NCAM2: variants seen among roughly 807,000 people sequenced by gnomAD.
NCAM2 encodes N-CAM-2.
In NCAM2, 30 loss-of-function variants were observed where a neutral mutation model predicts 98.1. The observed-to-expected ratio is 0.31, with a 90% CI of 0.23 to 0.41. NCAM2 has a LOEUF of 0.41. Among genes scored for constraint, NCAM2 ranks in the 10% least tolerant of loss-of-function variants. The probability of loss-of-function intolerance (pLI) is 1.00; values close to 1 mark genes in which losing one functional copy is unlikely to be tolerated. For missense variants in NCAM2, 867 were observed against 1,005.8 expected (o/e 0.86, Z 1.87); for synonymous variants, 368 against 342.4 (o/e 1.07, Z -0.83).
chr21:21,294,509 A>G (rs1264573092), intron 5 of NCAM2, among the ~76,000 whole-genome samples: 2 of 151,862 alleles, frequency 1.3e-5, no homozygotes, highest in Non-Finnish European at 2.9e-5. Context: ...TCAACCATAG[A>G]TTCTAATATG....
At chr21:21,060,684 TG>T (rs2065302712) in intron 1 of NCAM2, among the ~76,000 whole-genome samples, 1 of 152,050 alleles carries the variant, frequency 6.6e-6, no homozygotes, top group Non-Finnish European at 1.5e-5. Context: ...TATGGTGTGG[TG>T]GGGATGTGAG....
chr21:21,030,377 G>A (rs1198277026), intron 1 of NCAM2, among the ~76,000 whole-genome samples: 2 of 152,152 alleles, frequency 1.3e-5, no homozygotes, highest in African/African-American at 2.4e-5. Flanking sequence ...CATGAACTTA[G>A]AGGCATAAAT....
In NCAM2 at chr21:20,998,573, C is replaced by T; in HGVS notation, c.10C>T (p.Leu4Phe). ...GTGTCACGTCCTGAACATGAGCCTCCTCCTCTCCTTCTACCTGCTGGGGTT... is the reference window on the plus strand; with the variant it reads ...GTGTCACGTCCTGAACATGAGCCTCTTCCTCTCCTTCTACCTGCTGGGGTT... MSL[L>F]LSFYLLGLLV... Residue 4 changes from leucine to phenylalanine, a missense_variant, in exon 1 of 18, where the codon CTC becomes TTC. Coordinates refer to ENST00000400546, the MANE Select transcript of NCAM2 (RefSeq NM_004540.5). 7 of 1,614,092 alleles carry T rather than the reference C, an allele frequency of 4.3e-6. No homozygotes were observed. The highest frequency in any genetic ancestry group is 1.3e-5 in the African/African-American group (1 of 75,050).
At chr21:21,422,319 G>A (rs976654195) in intron 11 of NCAM2, among the ~76,000 whole-genome samples, 5 of 152,178 alleles carry the variant, frequency 3.3e-5, no homozygotes, top group Non-Finnish European at 7.3e-5. Flanking sequence ...GGCTGGGAGA[G>A]AGGGGAAGAT....
At chr21:21,437,360 G>A (rs76482624) in intron 12 of NCAM2, among the ~76,000 whole-genome samples, 2,541 of 152,026 alleles carry the variant, frequency 0.017, 65 homozygotes, top group East Asian at 0.13. Context: ...AACCTCTATT[G>A]TATTGACGAA....
intron 1 of NCAM2, among the ~76,000 whole-genome samples, chr21:21,082,978 G>T (rs1051480192): frequency 2.0e-5 from 3 of 152,194 alleles, no homozygotes; most frequent in African/African-American, 7.2e-5. Context: ...CTGAGTTAGA[G>T]GTCTACTGTT....
At chr21:21,250,235 T>A (rs562160872) in intron 1 of NCAM2, among the ~76,000 whole-genome samples, 1 of 152,318 alleles carries the variant, frequency 6.6e-6, no homozygotes, top group East Asian at 1.9e-4. Context: ...TCTAACTGGA[T>A]GCTAGAAAAA....
intron 10 of NCAM2, 109 bp from the exon 11 acceptor site, chr21:21,418,364 G>T: frequency 2.7e-6 from 2 of 753,546 alleles, no homozygotes; most frequent in Non-Finnish European, 4.6e-6. Flanking sequence ...ATGGTAAGGA[G>T]TTGTTGGGTA....
intron 1 of NCAM2, among the ~76,000 whole-genome samples, chr21:21,247,831 T>C (rs1379860832): frequency 6.6e-6 from 1 of 152,246 alleles, no homozygotes; most frequent in Non-Finnish European, 1.5e-5. Context: ...AATATTTTTC[T>C]ACTAATGCTC....
chr21:21,131,413 A>G (rs1383089701), intron 1 of NCAM2, among the ~76,000 whole-genome samples: 1 of 152,080 alleles, frequency 6.6e-6, no homozygotes, highest in South Asian at 2.1e-4. Context: ...AGCTGGGATT[A>G]CAGGCATGCG....
chr21:21,096,744 G>A (rs777829024), intron 1 of NCAM2, among the ~76,000 whole-genome samples: 1 of 151,082 alleles, frequency 6.6e-6, no homozygotes, highest in Non-Finnish European at 1.5e-5. Flanking sequence ...TTTATTTAAT[G>A]TTTTTGTGTG....
chr21:21,066,954 G>A (rs1415965610), intron 1 of NCAM2, among the ~76,000 whole-genome samples: 8 of 151,764 alleles, frequency 5.3e-5, no homozygotes, highest in Admixed American at 4.6e-4. Context: ...ATTCCACTGG[G>A]GGTATTACCT....
intron 1 of NCAM2, among the ~76,000 whole-genome samples, chr21:21,274,500 G>T (rs896009613): frequency 6.6e-6 from 1 of 152,130 alleles, no homozygotes; most frequent in African/African-American, 2.4e-5. Flanking sequence ...ATAGGCTGTT[G>T]TAATGCACTG....
chr21:21,383,009 TCTA>T (rs891791579), intron 9 of NCAM2, among the ~76,000 whole-genome samples: 3 of 152,166 alleles, frequency 2.0e-5, no homozygotes, highest in African/African-American at 7.2e-5. Context: ...TGCTCTAAAA[TCTA>T]CTATCTGATA....
intron 1 of NCAM2, among the ~76,000 whole-genome samples, chr21:21,271,618 G>T (rs1433696661): frequency 2.6e-5 from 4 of 152,052 alleles, no homozygotes; most frequent in Non-Finnish European, 4.4e-5. Context: ...ACAATGAAAG[G>T]CTATTTGGAG....
chr21:21,015,060 A>G (rs2064280987), intron 1 of NCAM2, among the ~76,000 whole-genome samples: 1 of 152,238 alleles, frequency 6.6e-6, no homozygotes, highest in Non-Finnish European at 1.5e-5. Flanking sequence ...CAAAACTTGA[A>G]TGGATGAGAA....
At chr21:21,095,408 T>A (rs1601351080) in intron 1 of NCAM2, among the ~76,000 whole-genome samples, 1 of 151,728 alleles carries the variant, frequency 6.6e-6, no homozygotes, top group East Asian at 1.9e-4. Context: ...TAAAGTTACA[T>A]CTTGATCTGT....
intron 1 of NCAM2, among the ~76,000 whole-genome samples, chr21:21,058,289 A>C (rs1313164197): frequency 6.6e-6 from 1 of 151,906 alleles, no homozygotes; most frequent in Non-Finnish European, 1.5e-5. Flanking sequence ...CCCACTTGCT[A>C]TGTGTGTGTG....
chr21:21,362,957 T>C (rs1033575523), intron 8 of NCAM2, among the ~76,000 whole-genome samples: 3 of 152,310 alleles, frequency 2.0e-5, no homozygotes, highest in East Asian at 3.9e-4. Flanking sequence ...GATATTTGCA[T>C]TTAATTCCGA....
Sources: gnomAD v4.1 joint callset for allele counts (sites outside exome capture counted in the v4.1 genomes callset) on GRCh38, gnomAD v4.1.1 for gene constraint, MANE v1.5 for transcripts, NCBI Gene and HGNC (gene_info 2026-07-23, HGNC 2026-07-21) for gene names.